Variants in GRAMD1A observed in about 807,000 individuals in gnomAD.
GRAMD1A encodes the protein GRAM domain containing 1A, also known as protein Aster-A.
In GRAMD1A, 50 loss-of-function variants were observed where a neutral mutation model predicts 92.0. The ratio of observed to expected loss-of-function variants is 0.54; its 90% CI spans 0.43 to 0.69. GRAMD1A has a LOEUF of 0.69. Ranked by LOEUF, GRAMD1A falls within the 30% of genes least tolerant of loss-of-function variation. The pLI, the probability that GRAMD1A is intolerant of heterozygous loss-of-function variation, is 0.00. For missense variants in GRAMD1A, 819 were observed against 978.9 expected, an observed-to-expected ratio of 0.84 and a Z score of 2.18; for synonymous variants, 405 against 403.6, an observed-to-expected ratio of 1.00 and a Z score of -0.04.
intron 18 of GRAMD1A, 21 bp from the exon 19 acceptor site, chr19:35,023,406 T>G (rs746463323): frequency 6.2e-7 from 1 of 1,608,138 alleles, no homozygotes; most frequent in Non-Finnish European, 8.5e-7. Context: ...AAGGCCCTGC[T>G]CAGGCCTGGC....
At chr19:35,023,686 C>T in intron 19 of GRAMD1A, 139 bp downstream of exon 19, 2 of 755,712 alleles carry the variant, frequency 2.6e-6, no homozygotes, top group Non-Finnish European at 4.1e-6. Context: ...CTCAGAGTCC[C>T]CACCCCACAG....
chr19:34,999,785 A>G (rs558229360), upstream of GRAMD1A, among the ~76,000 whole-genome samples: 67 of 152,308 alleles, frequency 4.4e-4, no homozygotes, highest in Middle Eastern at 6.8e-3. Context: ...GGCCTGGCTG[A>G]CCAAAACTGG....
chr19:35,000,787 A>G lies in GRAMD1A; in HGVS notation c.8+301A>G, dbSNP rs977557916. 2.0e-5 allele frequency among the ~76,000 whole-genome samples: 3 copies of G among 151,798 alleles called. No individual in the cohort carries two copies. The highest frequency in any genetic ancestry group is 4.4e-5 in the Non-Finnish European group (3 of 67,900). Reference sequence around the variant, plus strand: ...GGGCCCGCGGGTTCATCTGGCGGGGAGGGCCCTCAGGCCTGGCAACCCCCT... The same window carrying G: ...GGGCCCGCGGGTTCATCTGGCGGGGGGGGCCCTCAGGCCTGGCAACCCCCT... On this transcript the variant is annotated intron_variant, in intron 1 of 19. Transcript: ENST00000317991. The surrounding 1 kb of genome is among the most constrained non-coding windows in gnomAD (Gnocchi z 4.9).
At chr19:35,019,095 G>A (rs2015845863) in intron 11 of GRAMD1A, 96 bp from the exon 12 acceptor site, 1 of 785,670 alleles carries the variant, frequency 1.3e-6, no homozygotes, top group Non-Finnish European at 2.2e-6. Context: ...GATTGGGACA[G>A]GTCCCCAGAG....
chr19:35,005,420 G>A (rs1319083448), intron 1 of GRAMD1A, among the ~76,000 whole-genome samples: 1 of 152,048 alleles, frequency 6.6e-6, no homozygotes, highest in Admixed American at 6.6e-5. Context: ...CTGGGAGGAA[G>A]GGCATTTTGA....
intron 9 of GRAMD1A, 24 bp from the exon 10 acceptor site, chr19:35,014,165 G>T (rs781316592): frequency 1.9e-5 from 30 of 1,607,200 alleles, no homozygotes; most frequent in African/African-American, 2.7e-5. Flanking sequence ...GGTGGCCAAG[G>T]CTGCATCGGG....
At chr19:35,005,549 A>G (rs2014748584) in intron 1 of GRAMD1A, among the ~76,000 whole-genome samples, 1 of 152,136 alleles carries the variant, frequency 6.6e-6, no homozygotes, top group Admixed American at 6.5e-5. Flanking sequence ...CTCCCACTAC[A>G]GGTATGGGCA....
chr19:34,998,795 GGGCA>G (rs2014151724), upstream of GRAMD1A, among the ~76,000 whole-genome samples: 2 of 150,126 alleles, frequency 1.3e-5, no homozygotes, highest in South Asian at 4.3e-4. Context: ...ATGAGAGGTA[GGGCA>G]CGGCGATAGG....
At chr19:35,003,849 G>A (rs939361141) in intron 1 of GRAMD1A, among the ~76,000 whole-genome samples, 1 of 152,252 alleles carries the variant, frequency 6.6e-6, no homozygotes, top group Non-Finnish European at 1.5e-5. Context: ...TCCACCTGGA[G>A]TCTTCTCCCA....
chr19:35,016,067 G>T, intron 11 of GRAMD1A, 100 bp downstream of exon 11: 2 of 1,287,428 alleles, frequency 1.6e-6, no homozygotes, highest in Non-Finnish European at 2.2e-6. Flanking sequence ...AGCCAGTGGG[G>T]CAAGGCGAGG....
At position 35,000,396 on chromosome 19, in the gene GRAMD1A, C is replaced by T; in HGVS notation, c.-83C>T. On this transcript the variant is annotated 5_prime_UTR_variant, in exon 1 of 20. Coordinates refer to ENST00000317991, the MANE Select transcript of GRAMD1A (RefSeq NM_020895.5). The surrounding 1 kb of genome is among the most constrained non-coding windows in gnomAD (Gnocchi z 4.9). The stretch of plus-strand genomic sequence containing the variant: ...CAGGCCGGTGCCCTGCGGGGACGCC[C>T]AGCGCAGCCCAGCCCCGCGCAGCCC... The T allele has an allele frequency of 2.6e-6, 3 of 1,150,420 alleles. No individual in the cohort carries two copies. Among genetic ancestry groups the T allele is most frequent in the East Asian group, 4.2e-5 (1 of 23,938 alleles). The allele number at this position is 1,150,420 out of a possible 1,614,324, so 71.3% of individuals were successfully genotyped here.
rs989175705 is a variant in GRAMD1A at position 35,021,257 on chromosome 19, G to A, written c.1476-245G>A. On this transcript the variant is annotated intron_variant, in intron 13 of 19. Transcript: ENST00000317991. The surrounding 1 kb of genome is among the most constrained non-coding windows in gnomAD (Gnocchi z 5.3). ...GTAGACAGGGCTCAGGCCGCCGGGA[G>A]CGTTGCCCAGGTAGTGGGCATGGGT... is the stretch of plus-strand genomic sequence containing the variant. Among the ~76,000 whole-genome samples, 1 of 152,238 alleles carries A rather than the reference G, an allele frequency of 6.6e-6. No individual in the cohort carries two copies. The highest frequency in any genetic ancestry group is 1.5e-5 in the Non-Finnish European group (1 of 68,050).
At chr19:35,008,566 A>AT (rs57717476) in intron 1 of GRAMD1A, among the ~76,000 whole-genome samples, 6,639 of 152,248 alleles carry the variant, frequency 0.044, 463 homozygotes, top group African/African-American at 0.15. Context: ...TCCCACCTGT[A>AT]ATCCCAGCAC....
In GRAMD1A at chr19:35,021,929, A is replaced by T; in HGVS notation, c.1754-22A>T. The T allele has an allele frequency of 6.2e-7, 1 of 1,613,090 alleles. No individual in the cohort carries two copies. Among genetic ancestry groups the T allele is most frequent in the Non-Finnish European group, 8.5e-7 (1 of 1,179,530 alleles). ...CGGGGGTCCTGGACTGGGCCATCTGACTCCAAGCTGCTCTCCTGCAGGCTC... is the reference window on the plus strand; with the variant it reads ...CGGGGGTCCTGGACTGGGCCATCTGTCTCCAAGCTGCTCTCCTGCAGGCTC... On this transcript the variant is annotated intron_variant, in intron 15 of 19. Coordinates refer to ENST00000317991, the MANE Select transcript of GRAMD1A (RefSeq NM_020895.5). This position sits in a 1 kb window ranked among gnomAD's most constrained non-coding sequence, Gnocchi z 5.3.
chr19:35,023,183 G>A, intron 17 of GRAMD1A, 53 bp from the exon 18 acceptor site: 1 of 1,244,440 alleles, frequency 8.0e-7, no homozygotes, highest in Admixed American at 1.7e-5. Context: ...TTGTTTGGGG[G>A]TGTTCAGAGC....
Position 35,010,929 on chromosome 19 carries a change from G to A in GRAMD1A, c.526-545G>A, listed in dbSNP as rs114926656. Among the ~76,000 whole-genome samples the A allele has an allele frequency of 3.6e-3, 549 of 151,988 alleles. 3 individuals are homozygous for A. Among genetic ancestry groups the A allele is most frequent in the African/African-American group, 0.013 (525 of 41,466 alleles). On this transcript the variant is annotated intron_variant, in intron 6 of 19. Transcript: ENST00000317991. The stretch of plus-strand genomic sequence containing the variant: ...AGCCTGGGCAACATAGTGAGACCCT[G>A]TCTCTTAAAAAGCAAAAAATTAACC...
chr19:35,019,401 G>T lies in GRAMD1A; in HGVS notation c.1343G>T (p.Arg448Leu). 1 of 1,613,784 alleles carries T rather than the reference G, an allele frequency of 6.2e-7. No individual in the cohort carries two copies. The highest frequency in any genetic ancestry group is 2.2e-5 in the East Asian group (1 of 44,876). Residue 448 changes from arginine to leucine, a missense_variant, in exon 13 of 20, where the codon CGG becomes CTG. Arg to Leu is a moderately radical substitution (Grantham distance 102, BLOSUM62 -2). Around this residue, in one of 3 missense-constraint regions of GRAMD1A, gnomAD observed 577 missense variants for 674.6 expected, o/e 0.86. Coordinates refer to ENST00000317991, the MANE Select transcript of GRAMD1A (RefSeq NM_020895.5). ...GCTCTGTCCCTGCAGACGCTGTTCC[G>T]GCGCGGCCCCCAGGCCGGCGGGTGT... Reference protein sequence around the residue: ...ASVVETQTLFRRGPQAGGCVV... With the variant: ...ASVVETQTLFLRGPQAGGCVV...
chr19:34,996,385 G>A (rs1327253738), upstream of GRAMD1A: 2 of 1,009,076 alleles, frequency 2.0e-6, no homozygotes, highest in African/African-American at 1.6e-5. Context: ...GCGGGTCAGA[G>A]CACAACCTTA....
intron 19 of GRAMD1A, chr19:35,023,809 A>G (rs773139723): frequency 3.4e-5 from 13 of 387,720 alleles, no homozygotes; most frequent in Non-Finnish European, 5.5e-5. Flanking sequence ...TGGTCACTCA[A>G]TGGCAGTAAG....
Sources: allele counts gnomAD v4.1 joint callset (sites outside exome capture counted in the v4.1 genomes callset), GRCh38; gene constraint gnomAD v4.1.1; regional missense constraint gnomAD v4.1.1; non-coding constraint Gnocchi (gnomAD v3.1); transcripts MANE v1.5; gene names NCBI Gene and HGNC (gene_info 2026-07-23, HGNC 2026-07-21).